Variants in GSDME observed in about 807,000 individuals in gnomAD.
GSDME encodes the protein gasdermin-E.
In GSDME, 44 loss-of-function variants were observed where a neutral mutation model predicts 47.5. That is an observed-to-expected ratio of 0.93 (90% CI 0.73 to 1.19). The LOEUF (loss-of-function observed/expected upper bound fraction) is 1.19, where lower values mean the gene tolerates loss of function less well. GSDME is among the 50% of genes most tolerant of loss of function. The pLI is 0.00. For synonymous variants in GSDME, 258 were observed against 252.8 expected, an observed-to-expected ratio of 1.02 and a Z score of -0.20; for missense variants, 663 against 604.2, an observed-to-expected ratio of 1.10 and a Z score of -1.02.
At chr7:24,703,750 AG>A in intron 8 of GSDME, 1 of 152,660 alleles carries the variant, frequency 6.6e-6, no homozygotes, top group Non-Finnish European at 1.5e-5. Context: ...GGCAGCAGCC[AG>A]GGGGATGCTT....
rs1040359320 is a variant in GSDME at position 24,732,008 on chromosome 7, G to A, written c.404+12554C>T. ...AGACCAGCATAAAGAGGTACTGCCAGCCCCTCCCATCCCAGACCTTGGGAT... is the reference window on the plus strand; with the variant it reads ...AGACCAGCATAAAGAGGTACTGCCAACCCCTCCCATCCCAGACCTTGGGAT... On this transcript the variant is annotated intron_variant, in intron 3 of 9. Transcript: ENST00000645220. The surrounding 1 kb of genome is among the most constrained non-coding windows in gnomAD (Gnocchi z 4.8). 6.6e-6 allele frequency among the ~76,000 whole-genome samples: 1 copy of A among 152,166 alleles called. No individual in the cohort carries two copies. Among genetic ancestry groups the A allele is most frequent in the African/African-American group, 2.4e-5 (1 of 41,438 alleles).
chr7:24,763,239 C>G, the GSDME span, among the ~76,000 whole-genome samples: 4 of 152,168 alleles, frequency 2.6e-5, no homozygotes, highest in South Asian at 8.3e-4. This position sits in a 1 kb window ranked among gnomAD's most constrained non-coding sequence, Gnocchi z 4.3. Context: ...TCTTTAGTTT[C>G]ACAGAGAGAT....
chr7:24,744,529 T>A lies in GSDME; in HGVS notation c.404+33A>T, dbSNP rs114586356. 959 of 1,613,064 alleles carry A rather than the reference T, an allele frequency of 5.9e-4. 3 individuals are homozygous for A. The African/African-American group carries it at 9.9e-3, about 17-fold the overall frequency. On this transcript the variant is annotated intron_variant, in intron 3 of 9. Transcript: ENST00000645220. The surrounding 1 kb of genome is among the most constrained non-coding windows in gnomAD (Gnocchi z 4.5). ...GAATGACCTTTAAATGTGAGATGTG[T>A]CAAAATCCAAAATGCCAAACAAGTC...
rs764802670 is a variant in GSDME at position 24,756,806 on chromosome 7, A to C, written c.-20+590T>G. Among the ~76,000 whole-genome samples the C allele has an allele frequency of 6.6e-6, 1 of 152,190 alleles. No homozygotes were observed. The highest frequency in any genetic ancestry group is 1.5e-5 in the Non-Finnish European group (1 of 68,034). Reference sequence around the variant, plus strand: ...GCCACGCGGGCAGCTCTTGAGAGCCATTCCAGCGCATGCCAGGCACACCGA... The same window carrying C: ...GCCACGCGGGCAGCTCTTGAGAGCCCTTCCAGCGCATGCCAGGCACACCGA... On this transcript the variant is annotated intron_variant, in intron 1 of 9. Transcript: ENST00000645220. The surrounding 1 kb of genome is among the most constrained non-coding windows in gnomAD (Gnocchi z 4.2).
rs1042249063 is a variant in GSDME, at chr7:24,732,624, T to C, written c.404+11938A>G. 5.3e-5 allele frequency among the ~76,000 whole-genome samples: 8 copies of C among 152,042 alleles called. No individual in the cohort carries two copies. Among genetic ancestry groups the C allele is most frequent in the African/African-American group, 9.7e-5 (4 of 41,392 alleles). On this transcript the variant is annotated intron_variant, in intron 3 of 9. Transcript: ENST00000645220. The surrounding 1 kb of genome is among the most constrained non-coding windows in gnomAD (Gnocchi z 4.8). ...GCAGAGAGAGAGAAGCCGTGTGCTGTAGGAGGGAGAGCACAGCAACTGTGG... is the reference window on the plus strand; with the variant it reads ...GCAGAGAGAGAGAAGCCGTGTGCTGCAGGAGGGAGAGCACAGCAACTGTGG...
the GSDME span, among the ~76,000 whole-genome samples, chr7:24,792,041 G>C: frequency 1.3e-5 from 2 of 152,206 alleles, no homozygotes; most frequent in Non-Finnish European, 2.9e-5. Context: ...TCCATGCCTG[G>C]TCGACTGGAG....
At chr7:24,777,304 C>T in the GSDME span, among the ~76,000 whole-genome samples, 3 of 152,050 alleles carry the variant, frequency 2.0e-5, no homozygotes, top group Non-Finnish European at 2.9e-5. Flanking sequence ...AATCTGGCCC[C>T]GTATATTATC....
intron 3 of GSDME, among the ~76,000 whole-genome samples, chr7:24,741,143 T>C (rs1051327537): frequency 6.6e-6 from 1 of 152,090 alleles, no homozygotes; most frequent in African/African-American, 2.4e-5. Flanking sequence ...ACCTAAGTTA[T>C]TGACCAGGAA....
At chr7:24,748,576 C>T (rs1024626107) in intron 2 of GSDME, among the ~76,000 whole-genome samples, 7 of 152,174 alleles carry the variant, frequency 4.6e-5, no homozygotes, top group Admixed American at 2.0e-4. Context: ...AAATTTTCTT[C>T]TTCATCCCTT....
chr7:24,753,118 T>A (rs1482714657), intron 1 of GSDME, among the ~76,000 whole-genome samples: 2 of 152,204 alleles, frequency 1.3e-5, no homozygotes, highest in African/African-American at 4.8e-5. Context: ...TTTTTAATCA[T>A]GGGACTCAGA....
chr7:24,719,195 A>G lies in GSDME; in HGVS notation c.428T>C (p.Val143Ala). The change falls in exon 4 of 10, where the codon GTG becomes GCG. Residue 143 changes from valine (V) to alanine (A), a missense_variant. Coordinates refer to ENST00000645220, the MANE Select transcript of GSDME (RefSeq NM_001127453.2). ...AERTINLRNP[V>A]LQQVLEGRNE... Reference sequence around the variant, plus strand: ...CCTTCCTTCCAGCACCTGCTGGAGCACAGGGTTTCTCAGATTTATTGTTCT... The same window carrying G: ...CCTTCCTTCCAGCACCTGCTGGAGCGCAGGGTTTCTCAGATTTATTGTTCT... 3 of 1,612,948 alleles carry G rather than the reference A, an allele frequency of 1.9e-6. No individual in the cohort carries two copies. Among genetic ancestry groups the G allele is most frequent in the Non-Finnish European group, 2.5e-6 (3 of 1,179,990 alleles).
Position 24,742,499 on chromosome 7 carries a change from G to T in GSDME, c.404+2063C>A, listed in dbSNP as rs76589804. ...ACTCCCTCTTCCTCCACTCAGAACT[G>T]TTGGCTCTGGCTTCTTTCTCTCCGG... On this transcript the variant is annotated intron_variant, in intron 3 of 9. Transcript: ENST00000645220. The surrounding 1 kb of genome is among the most constrained non-coding windows in gnomAD (Gnocchi z 4.4). Among the ~76,000 whole-genome samples the T allele has an allele frequency of 0.018, 2,711 of 152,234 alleles. 45 individuals carry two copies. Among genetic ancestry groups the T allele is most frequent in the Non-Finnish European group, 0.03 (2,043 of 68,010 alleles).
intron 1 of GSDME, among the ~76,000 whole-genome samples, chr7:24,750,987 G>T (rs1426397735): frequency 6.6e-6 from 1 of 152,078 alleles, no homozygotes; most frequent in African/African-American, 2.4e-5. Context: ...GAAATCAAGA[G>T]GTTTCTTTGA....
At chr7:24,715,459 T>C (rs150467300) in intron 5 of GSDME, 1 of 470,972 alleles carries the variant, frequency 2.1e-6, no homozygotes, top group East Asian at 7.0e-5. Context: ...CTTGTACATC[T>C]TGAACATACA....
chr7:24,738,014 G>A (rs957053926), intron 3 of GSDME, among the ~76,000 whole-genome samples: 19 of 152,096 alleles, frequency 1.2e-4, no homozygotes, highest in Non-Finnish European at 8.8e-5. Context: ...CAACCAGCTA[G>A]TATCATACTG....
At chr7:24,703,428 G>A (rs1788961292) in intron 8 of GSDME, 1 of 167,910 alleles carries the variant, frequency 6.0e-6, no homozygotes, top group South Asian at 1.5e-4. Context: ...GCACCAGAAG[G>A]GCCCTTGCCA....
intron 8 of GSDME, chr7:24,704,011 G>T (rs1788992504): frequency 6.6e-6 from 1 of 152,110 alleles, no homozygotes; most frequent in Non-Finnish European, 1.5e-5. Context: ...GGAAATACCT[G>T]AGTCCCATAT....
At position 24,702,786 on chromosome 7, in the gene GSDME, G is replaced by A. The variant is rs11539305; in HGVS notation, c.1231C>T (p.Gln411Ter). 2.4e-5 allele frequency: 38 copies of A among 1,613,444 alleles called. No homozygotes were observed. The highest frequency in any genetic ancestry group is 2.8e-5 in the Non-Finnish European group (33 of 1,179,684). The change falls in exon 9 of 10, where the codon CAG (glutamine) becomes TAG (stop). Residue 411 changes from glutamine to a stop codon, truncating the protein, a stop_gained. Coordinates refer to ENST00000645220, the MANE Select transcript of GSDME (RefSeq NM_001127453.2). LOFTEE classifies it low-confidence loss of function (END_TRUNC). ...AAGTGGCACAGTGTGGGAATGATCT[G>A]GAGTTTGCAGCAAGTGCCCAGCAGA... ...AALLGTCCKL[Q>*]IIPTLCHLLR... is the part of the protein sequence containing the mutation.
At chr7:24,761,147 G>C (rs1345803319), upstream of GSDME, among the ~76,000 whole-genome samples, 5 of 152,246 alleles carry the variant, frequency 3.3e-5, no homozygotes, top group African/African-American at 9.6e-5. This position sits in a 1 kb window ranked among gnomAD's most constrained non-coding sequence, Gnocchi z 4.4. Context: ...GCAGGGCTCA[G>C]CTGAGTGACT....
Sources: allele counts gnomAD v4.1 joint callset (sites outside exome capture counted in the v4.1 genomes callset), GRCh38; gene constraint gnomAD v4.1.1; non-coding constraint Gnocchi (gnomAD v3.1); transcripts MANE v1.5; gene names NCBI Gene and HGNC (gene_info 2026-07-23, HGNC 2026-07-21).